CD72: variants seen among roughly 807,000 people sequenced by gnomAD.
CD72 encodes B-cell differentiation antigen CD72.
A neutral mutation model predicts 50.7 loss-of-function variants in CD72; 28 were observed. The ratio of observed to expected loss-of-function variants is 0.55; its 90% CI spans 0.41 to 0.76. CD72 has a LOEUF of 0.76. Among genes scored for constraint, CD72 ranks in the 30% least tolerant of loss-of-function variants. The pLI is 0.00. For missense variants in CD72, 403 were observed against 420.6 expected, an observed-to-expected ratio of 0.96 and a Z score of 0.37; for synonymous variants, 176 against 171.2, an observed-to-expected ratio of 1.03 and a Z score of -0.22.
upstream of CD72, chr9:35,618,704 CA>C (rs755211889): frequency 1.5e-4 from 167 of 1,120,802 alleles, no homozygotes; most frequent in Non-Finnish European, 1.9e-4. Flanking sequence ...CTGCCTTGTC[CA>C]CTGGGGCTTA....
chr9:35,640,843 CG>C (rs1316394513), intron 1 of CD72, among the ~76,000 whole-genome samples: 2 of 152,226 alleles, frequency 1.3e-5, no homozygotes, highest in Non-Finnish European at 2.9e-5. Flanking sequence ...CTTGAATGCC[CG>C]GGTTTATATC....
rs545302326 is a variant in CD72 at position 35,632,542 on chromosome 9, C to T, written n.408+13861G>A. Among the ~76,000 whole-genome samples the T allele has an allele frequency of 2.6e-5, 4 of 151,176 alleles. No homozygotes were observed. In the South Asian group the frequency reaches 8.4e-4, roughly 32 times the overall value. ...CTATTTAATCTTTCTCTCTTTTTCC[C>T]CCTTTAATTTGGCTTGCAAGAGGTT... is the stretch of plus-strand genomic sequence containing the variant. On this transcript the variant is annotated intron_variant and non_coding_transcript_variant, in intron 1 of 3. Coordinates refer to the CD72 transcript ENST00000465754.
At chr9:35,625,654 C>T (rs988084640) in intron 1 of CD72, among the ~76,000 whole-genome samples, 2 of 152,228 alleles carry the variant, frequency 1.3e-5, no homozygotes, top group African/African-American at 4.8e-5. Flanking sequence ...GAAGAAAAGT[C>T]AGTGCCTGGC....
intron 1 of CD72, among the ~76,000 whole-genome samples, chr9:35,638,118 A>G (rs2131788729): frequency 6.6e-6 from 1 of 152,258 alleles, no homozygotes. Context: ...TTGTCGAAAA[A>G]TGGGCAAATG....
chr9:35,629,877 G>C (rs908534113), intron 1 of CD72, among the ~76,000 whole-genome samples: 2 of 152,170 alleles, frequency 1.3e-5, no homozygotes, highest in Non-Finnish European at 2.9e-5. Flanking sequence ...GATTATGTCA[G>C]CCCACTTTCT....
intron 1 of CD72, among the ~76,000 whole-genome samples, chr9:35,639,124 A>T (rs10814262): frequency 6.6e-6 from 1 of 151,772 alleles, no homozygotes; most frequent in African/African-American, 2.4e-5. Context: ...CTCATCCAGT[A>T]GGAATAAATT....
chr9:35,641,370 T>C (rs1344000195), intron 1 of CD72, among the ~76,000 whole-genome samples: 1 of 150,900 alleles, frequency 6.6e-6, no homozygotes, highest in Non-Finnish European at 1.5e-5. Flanking sequence ...GGGATTGAAA[T>C]GTATGGCCTG....
At position 35,642,439 on chromosome 9, in the gene CD72, A is replaced by C. The variant is rs538678768; in HGVS notation, n.408+3964T>G. The C allele has an allele frequency of 7.2e-5, 11 of 152,294 alleles. No individual in the cohort carries two copies. The East Asian group carries it at 1.3e-3, about 19-fold the overall frequency. 9.4% of individuals were successfully genotyped at this position (152,294 alleles called of 1,614,324 possible). A position where few individuals can be genotyped will look rare whatever the true frequency, so the allele number is the denominator to read the frequency against. ...ACCTGTATTATTTTAACTGCTTCAG[A>C]TACTAAGACTGCTACTGCTGCCACT... On this transcript the variant is annotated intron_variant and non_coding_transcript_variant, in intron 1 of 3. Transcript: ENST00000465754.
intron 1 of CD72, among the ~76,000 whole-genome samples, chr9:35,633,457 C>T (rs545148783): frequency 5.9e-5 from 9 of 152,040 alleles, no homozygotes; most frequent in East Asian, 1.9e-4. Context: ...TCTCATGTTA[C>T]GCTGTTTTCT....
rs61206700 is a variant in CD72, at chr9:35,641,339, A to AACAAGGAGGTTAAAGATACAGGG, written n.408+5041_408+5063dup. Among the ~76,000 whole-genome samples, 891 of 152,312 alleles carry AACAAGGAGGTTAAAGATACAGGG rather than the reference A, an allele frequency of 5.8e-3. 10 individuals are homozygous for AACAAGGAGGTTAAAGATACAGGG. Among genetic ancestry groups the AACAAGGAGGTTAAAGATACAGGG allele is most frequent in the African/African-American group, 0.02 (845 of 41,540 alleles). The stretch of plus-strand genomic sequence containing the variant: ...TTTCAATTCTGGAAGAGACAAACTT[A>AACAAGGAGGTTAAAGATACAGGG]ACAAGGAGGTTAAAGATACAGGGAT... On this transcript the variant is annotated intron_variant and non_coding_transcript_variant, in intron 1 of 3. Coordinates refer to the CD72 transcript ENST00000465754.
At chr9:35,642,013 A>G (rs892763263) in intron 1 of CD72, among the ~76,000 whole-genome samples, 3 of 152,184 alleles carry the variant, frequency 2.0e-5, no homozygotes, top group African/African-American at 7.2e-5. Context: ...AGTGAGGGCT[A>G]TTAGTTCTGC....
intron 1 of CD72, among the ~76,000 whole-genome samples, chr9:35,628,412 G>A (rs1823215680): frequency 6.6e-6 from 1 of 152,228 alleles, no homozygotes; most frequent in South Asian, 2.1e-4. Flanking sequence ...CTAACATGGT[G>A]AAACCCCATC....
At chr9:35,646,507 A>C (rs2131797422) in exon 1 of CD72, 2 of 152,422 alleles carry the variant, frequency 1.3e-5, no homozygotes, top group South Asian at 4.1e-4. Context: ...TTCCAGGTTC[A>C]GGAATCAATA....
intron 1 of CD72, among the ~76,000 whole-genome samples, chr9:35,632,234 G>A (rs1374639136): frequency 6.6e-6 from 1 of 150,712 alleles, no homozygotes; most frequent in East Asian, 2.0e-4. Context: ...CTGGAGTGCA[G>A]TGGCGCGATC....
At chr9:35,629,940 T>A (rs1250429908) in intron 1 of CD72, among the ~76,000 whole-genome samples, 1 of 152,260 alleles carries the variant, frequency 6.6e-6, no homozygotes, top group African/African-American at 2.4e-5. Context: ...TGTTTGGGAT[T>A]CTCTGTTTTA....
chr9:35,635,834 G>C (rs1563899849), intron 1 of CD72, among the ~76,000 whole-genome samples: 1 of 152,202 alleles, frequency 6.6e-6, no homozygotes, highest in African/African-American at 2.4e-5. Flanking sequence ...GCCCAGAGGA[G>C]CCCACTTAAA....
At position 35,610,624 on chromosome 9, in the gene CD72, C is replaced by G; in HGVS notation, c.1080G>C (p.Ter360TyrextTer6). ...CEMTAFRFPD[*>Y] Reference sequence around the variant, plus strand: ...TACCAACTCAGTGCAAAGGACTGTCCTAATCTGGAAACCTGAAAGCTGTCA... The same window carrying G: ...TACCAACTCAGTGCAAAGGACTGTCGTAATCTGGAAACCTGAAAGCTGTCA... Residue 360 changes from the stop codon to tyrosine (Y), a stop_lost, in exon 8 of 9, where the codon TAG becomes TAC. Transcript: ENST00000259633. The G allele has an allele frequency of 6.2e-7, 1 of 1,613,580 alleles. No homozygotes were observed. Among genetic ancestry groups the G allele is most frequent in the Non-Finnish European group, 8.5e-7 (1 of 1,179,762 alleles).
At chr9:35,618,810 A>C (rs1823109404), upstream of CD72, 1 of 1,279,716 alleles carries the variant, frequency 7.8e-7, no homozygotes, top group Non-Finnish European at 1.0e-6. Flanking sequence ...CCTGGTTTGC[A>C]TCCCTCGCTT....
At chr9:35,630,539 T>C (rs1206949585) in intron 1 of CD72, among the ~76,000 whole-genome samples, 2 of 152,218 alleles carry the variant, frequency 1.3e-5, no homozygotes, top group African/African-American at 2.4e-5. Context: ...CATCTTGTTT[T>C]ATAGTGTTTA....
Sources: gnomAD v4.1 joint callset for allele counts (sites outside exome capture counted in the v4.1 genomes callset) on GRCh38, gnomAD v4.1.1 for gene constraint, MANE v1.5 for transcripts, NCBI Gene and HGNC (gene_info 2026-07-23, HGNC 2026-07-21) for gene names.